KATNA1: variants seen among roughly 807,000 people sequenced by gnomAD.
KATNA1 encodes katanin catalytic subunit A1, also known as katanin p60 ATPase-containing subunit A1.
Under a neutral mutation model 62.6 loss-of-function variants are expected in KATNA1, and 42 were observed. The observed-to-expected ratio is 0.67, with a 90% confidence interval of 0.52 to 0.87. KATNA1 has a LOEUF of 0.87. Among genes scored for constraint, KATNA1 ranks in the 40% least tolerant of loss-of-function variants. KATNA1 has a pLI of 0.00. For missense variants in KATNA1, 498 were observed against 612.5 expected (o/e 0.81, Z 1.97); for synonymous variants, 186 against 201.9 (o/e 0.92, Z 0.67).
At chr6:149,622,093 A>T (rs1309735955) in intron 4 of KATNA1, among the ~76,000 whole-genome samples, 1 of 151,848 alleles carries the variant, frequency 6.6e-6, no homozygotes, top group Non-Finnish European at 1.5e-5. Flanking sequence ...GTACTATAAC[A>T]ATGTAAAATT....
chr6:149,644,487 C>T (rs12174716), intron 1 of KATNA1, among the ~76,000 whole-genome samples: 68,804 of 151,654 alleles, frequency 0.45, 16,761 homozygotes, highest in East Asian at 0.81. Flanking sequence ...CTGGGCATGA[C>T]AGGGCACACC....
intron 3 of KATNA1, among the ~76,000 whole-genome samples, chr6:149,623,646 G>A (rs1779496528): frequency 6.6e-6 from 1 of 152,084 alleles, no homozygotes; most frequent in Admixed American, 6.6e-5. Flanking sequence ...GCTGAAGCAG[G>A]ACAATCGTTT....
chr6:149,643,754 A>G lies in KATNA1; in HGVS notation c.-14+4715T>C, dbSNP rs59634271. On this transcript the variant is annotated intron_variant, in intron 1 of 10. Transcript: ENST00000367411. ...GGCTGGAGTGCAGTGGTGCCATTAC[A>G]GCTCACTGCAGCCTTGATCTTCTGG... Among the ~76,000 whole-genome samples the G allele has an allele frequency of 8.3e-3, 1,263 of 151,350 alleles. 13 individuals are homozygous for G. Among genetic ancestry groups the G allele is most frequent in the African/African-American group, 0.029 (1,196 of 41,166 alleles).
Position 149,595,015 on chromosome 6 carries a change from TCA to T in KATNA1, c.*19_*20del. 1.3e-6 allele frequency: 2 copies of T among 1,591,490 alleles called. No individual in the cohort carries two copies. On this transcript the variant is annotated 3_prime_UTR_variant, in exon 11 of 11. Transcript: ENST00000367411. ...TATTCAAACACTTAAGGCACATTTC[TCA>T]CAGTTTACATGTGAGAATTTAGCAT...
chr6:149,633,930 C>T (rs1779955706), intron 2 of KATNA1, among the ~76,000 whole-genome samples: 1 of 151,884 alleles, frequency 6.6e-6, no homozygotes, highest in Non-Finnish European at 1.5e-5. Flanking sequence ...GCACTCCAGC[C>T]TGGGCAACAA....
At chr6:149,635,429 A>ACAGAC in intron 2 of KATNA1, among the ~76,000 whole-genome samples, 1 of 152,240 alleles carries the variant, frequency 6.6e-6, no homozygotes, top group Non-Finnish European at 1.5e-5. Flanking sequence ...GCCAAGGCCA[A>ACAGAC]GTGCAGTGGC....
chr6:149,623,454 G>A (rs1779487680), intron 3 of KATNA1, among the ~76,000 whole-genome samples, 171 bp from the exon 4 acceptor site: 1 of 152,048 alleles, frequency 6.6e-6, no homozygotes, highest in Non-Finnish European at 1.5e-5. Context: ...ATTTAAATCT[G>A]GGCAAGGCGC....
chr6:149,632,968 C>G (rs533313495), intron 2 of KATNA1, 52 bp from the exon 3 acceptor site: 1 of 1,442,642 alleles, frequency 6.9e-7, no homozygotes, highest in Admixed American at 2.3e-5. Flanking sequence ...ATATCACTGT[C>G]AAAATTAAAT....
intron 4 of KATNA1, among the ~76,000 whole-genome samples, chr6:149,609,817 T>A (rs80070788): frequency 0.023 from 1,309 of 55,738 alleles, 17 homozygotes; most frequent in East Asian, 0.039. Flanking sequence ...AAAAAAAAAA[T>A]AGGCCAGGTG....
At chr6:149,603,834 A>C (rs762783638) in intron 5 of KATNA1, among the ~76,000 whole-genome samples, 22 of 152,210 alleles carry the variant, frequency 1.4e-4, no homozygotes, top group Non-Finnish European at 2.2e-4. Flanking sequence ...AAGGTTAAAG[A>C]GTATCACAGA....
At chr6:149,625,380 G>T (rs1038185423) in intron 3 of KATNA1, among the ~76,000 whole-genome samples, 7 of 152,188 alleles carry the variant, frequency 4.6e-5, no homozygotes, top group African/African-American at 1.4e-4. Context: ...CACAATCCCA[G>T]CAATTTGGGA....
rs370458321 is a variant in KATNA1, at chr6:149,632,928, G to T, written c.163-12C>A. 1 of 1,587,002 alleles carries T rather than the reference G, an allele frequency of 6.3e-7. No homozygotes were observed. The highest frequency in any genetic ancestry group is 1.4e-5 in the African/African-American group (1 of 73,396). On this transcript the variant is annotated splice_polypyrimidine_tract_variant and intron_variant, in intron 2 of 10. Coordinates refer to ENST00000367411, the MANE Select transcript of KATNA1 (RefSeq NM_007044.4). ...ATTTCCTGCCAAACCTGATTTCAAAGAAGAAGATGGATGTTTAAATTTCTA... is the reference window on the plus strand; with the variant it reads ...ATTTCCTGCCAAACCTGATTTCAAATAAGAAGATGGATGTTTAAATTTCTA...
At position 149,601,649 on chromosome 6, in the gene KATNA1, A is replaced by C; in HGVS notation, c.833T>G (p.Leu278Trp). The change falls in exon 7 of 11, where the codon TTG (leucine) becomes TGG (tryptophan). Residue 278 changes from leucine to tryptophan, a missense_variant. Leu to Trp is a moderately conservative substitution (Grantham distance 61). Coordinates refer to ENST00000367411, the MANE Select transcript of KATNA1 (RefSeq NM_007044.4). ...TTFFNVSSST[L>W]TSKYRGESEK... ...AGATTCTCCTCTGTATTTGGAAGTC[A>C]AAGTTGATGAAGAGACATTGAAGAA... 2 of 1,612,882 alleles carry C rather than the reference A, an allele frequency of 1.2e-6. No homozygotes were observed. Among genetic ancestry groups the C allele is most frequent in the Non-Finnish European group, 1.7e-6 (2 of 1,179,690 alleles).
rs1475757695 is a variant in KATNA1, at chr6:149,618,980, A to G, written c.501+4123T>C. Among the ~76,000 whole-genome samples the G allele has an allele frequency of 2.0e-5, 3 of 152,206 alleles. No homozygotes were observed. The South Asian group carries it at 6.2e-4, about 31-fold the overall frequency. On this transcript the variant is annotated intron_variant, in intron 4 of 10. Transcript: ENST00000367411. The stretch of plus-strand genomic sequence containing the variant: ...ACAAAAGCAAAACTAAACAAATGTG[A>G]TTATATAAAACTAAAATGCTTCTGC...
intron 1 of KATNA1, among the ~76,000 whole-genome samples, chr6:149,644,750 T>A (rs1780415598): frequency 6.6e-6 from 1 of 152,200 alleles, no homozygotes; most frequent in Non-Finnish European, 1.5e-5. Flanking sequence ...CTCCAAGCCT[T>A]CTTTAAAGGT....
rs1778239458 is a variant in KATNA1 at position 149,594,956 on chromosome 6, T to A, written c.*80A>T. 9.3e-7 allele frequency: 1 copy of A among 1,077,374 alleles called. No individual in the cohort carries two copies. Among genetic ancestry groups the A allele is most frequent in the Non-Finnish European group, 1.3e-6 (1 of 744,234 alleles). 66.7% of individuals were successfully genotyped at this position (1,077,374 alleles called of 1,614,324 possible). A position where few individuals can be genotyped will look rare whatever the true frequency, so the allele number is the denominator to read the frequency against. On this transcript the variant is annotated 3_prime_UTR_variant, in exon 11 of 11. Coordinates refer to ENST00000367411, the MANE Select transcript of KATNA1 (RefSeq NM_007044.4). ...TTACCATTATGAAAGTTAAAAAAAA[T>A]ATAGCACTCAGTACAATGAATTACT...
intron 2 of KATNA1, among the ~76,000 whole-genome samples, chr6:149,637,569 G>C (rs553013797): frequency 6.6e-6 from 1 of 152,290 alleles, no homozygotes; most frequent in African/African-American, 2.4e-5. Flanking sequence ...GCTCATGCCT[G>C]TAATCCCAGC....
chr6:149,597,135 T>G lies in KATNA1; in HGVS notation c.1205A>C (p.Asp402Ala), dbSNP rs757715709. 6.2e-7 allele frequency: 1 copy of G among 1,614,182 alleles called. No homozygotes were observed. Among genetic ancestry groups the G allele is most frequent in the South Asian group, 1.1e-5 (1 of 91,082 alleles). Residue 402 changes from aspartate (D) to alanine (A), a missense_variant, in exon 10 of 11, where the codon GAT (aspartate) becomes GCT (alanine). By Grantham distance (126) the Asp-to-Ala change is moderately radical. Coordinates refer to ENST00000367411, the MANE Select transcript of KATNA1 (RefSeq NM_007044.4). The part of the protein sequence containing the change: ...RISLRELELA[D>A]DVDLASIAEN... ...TGCTATACTTGCAAGGTCAACATCA[T>G]CAGCCAATTCCAACTCACGTAGACT...
At position 149,638,490 on chromosome 6, in the gene KATNA1, C is replaced by A; in HGVS notation, c.58G>T (p.Gly20Ter). The A allele has an allele frequency of 6.2e-7, 1 of 1,613,470 alleles. No homozygotes were observed. Among genetic ancestry groups the A allele is most frequent in the Non-Finnish European group, 8.5e-7 (1 of 1,179,630 alleles). The change falls in exon 2 of 11, where the codon GGA becomes TGA. Residue 20 changes from glycine (G) to a stop codon, truncating the protein, a stop_gained. Transcript: ENST00000367411. LOFTEE classifies it high-confidence loss of function. ...VKLAREYALL[G>*]NYDSAMVYYQ... ...TAGACCATCGCAGAGTCATAGTTTCCCAGCAATGCATATTCACGAGCCAAT... is the reference window on the plus strand; with the variant it reads ...TAGACCATCGCAGAGTCATAGTTTCACAGCAATGCATATTCACGAGCCAAT...
Sources: allele counts gnomAD v4.1 joint callset (sites outside exome capture counted in the v4.1 genomes callset), GRCh38; gene constraint gnomAD v4.1.1; transcripts MANE v1.5; gene names NCBI Gene and HGNC (gene_info 2026-07-23, HGNC 2026-07-21).